SEMA3D: variants seen among roughly 807,000 people sequenced by gnomAD.
The protein encoded by SEMA3D is semaphorin-3D.
A neutral mutation model predicts 100.1 loss-of-function variants in SEMA3D; 84 were observed. That is an observed-to-expected ratio of 0.84 (90% CI 0.70 to 1.01). The LOEUF is 1.01. Among genes scored for constraint, SEMA3D ranks in the 50% least tolerant of loss-of-function variants. The pLI is 0.00. For synonymous variants in SEMA3D, 312 were observed against 320.7 expected, an observed-to-expected ratio of 0.97 and a Z score of 0.29; for missense variants, 875 against 934.1, an observed-to-expected ratio of 0.94 and a Z score of 0.82.
intron 11 of SEMA3D, among the ~76,000 whole-genome samples, chr7:85,038,197 T>A (rs1338646244): frequency 6.6e-6 from 1 of 152,058 alleles, no homozygotes; most frequent in African/African-American, 2.4e-5. Flanking sequence ...TAAAGTATAA[T>A]AAAAATAATA....
At chr7:85,148,609 C>G (rs1367941696) in intron 2 of SEMA3D, among the ~76,000 whole-genome samples, 1 of 151,992 alleles carries the variant, frequency 6.6e-6, no homozygotes, top group African/African-American at 2.4e-5. Flanking sequence ...TTGGAGCACC[C>G]CCAGGTTTCT....
chr7:85,006,974 T>C (rs1424485305), intron 17 of SEMA3D, 33 bp from the exon 18 acceptor site: 2 of 1,572,064 alleles, frequency 1.3e-6, no homozygotes, highest in South Asian at 2.3e-5. Context: ...GAGATTAACC[T>C]TGACCTGATT....
At chr7:85,219,487 GT>G in the SEMA3D span, among the ~76,000 whole-genome samples, 1 of 151,716 alleles carries the variant, frequency 6.6e-6, no homozygotes, top group African/African-American at 2.4e-5. Context: ...CAATTCTATG[GT>G]TACTCTTTAT....
chr7:85,169,904 T>A (rs1452359385), intron 1 of SEMA3D, among the ~76,000 whole-genome samples: 2 of 151,630 alleles, frequency 1.3e-5, no homozygotes, highest in Admixed American at 1.3e-4. Flanking sequence ...CCATATAAAA[T>A]AGTTTTAAAT....
the SEMA3D span, among the ~76,000 whole-genome samples, chr7:85,213,952 A>G: frequency 6.6e-6 from 1 of 152,176 alleles, no homozygotes; most frequent in Non-Finnish European, 1.5e-5. Context: ...TAAGTTTAGC[A>G]TCATTGAAAA....
chr7:85,151,695 A>G (rs775095090), intron 2 of SEMA3D: 20 of 982,364 alleles, frequency 2.0e-5, no homozygotes, highest in Non-Finnish European at 2.4e-5. Flanking sequence ...ATATTCTCAA[A>G]GCATCTTGTA....
intron 2 of SEMA3D, chr7:85,144,648 C>T: frequency 1.0e-6 from 1 of 985,018 alleles, no homozygotes; most frequent in Non-Finnish European, 1.2e-6. Context: ...AACTGGCCTG[C>T]AATATCCAAC....
intron 1 of SEMA3D, among the ~76,000 whole-genome samples, chr7:85,163,630 A>G (rs1051780716): frequency 2.0e-5 from 3 of 152,154 alleles, no homozygotes; most frequent in Non-Finnish European, 2.9e-5. Context: ...TATCTGATCC[A>G]AGACAATTTA....
At chr7:85,076,031 T>C (rs1234173901) in intron 5 of SEMA3D, among the ~76,000 whole-genome samples, 1 of 152,238 alleles carries the variant, frequency 6.6e-6, no homozygotes, top group Non-Finnish European at 1.5e-5. Flanking sequence ...TGTAATTCTG[T>C]GAGGCACGAA....
chr7:85,221,832 A>G, the SEMA3D span, among the ~76,000 whole-genome samples: 1 of 152,104 alleles, frequency 6.6e-6, no homozygotes, highest in Non-Finnish European at 1.5e-5. Context: ...CTTTGATTAA[A>G]AAAACATAGT....
intron 13 of SEMA3D, among the ~76,000 whole-genome samples, chr7:85,021,175 A>C (rs1037804169): frequency 6.6e-6 from 1 of 151,778 alleles, no homozygotes; most frequent in Non-Finnish European, 1.5e-5. Flanking sequence ...AATTGTTTTT[A>C]AATAACTCTG....
chr7:85,139,784 T>G (rs114976065), intron 2 of SEMA3D, among the ~76,000 whole-genome samples: 2 of 152,082 alleles, frequency 1.3e-5, no homozygotes, highest in Non-Finnish European at 2.9e-5. Flanking sequence ...TTAAAACTTA[T>G]GAAATACTAT....
At chr7:85,155,972 T>C (rs1344766010) in intron 1 of SEMA3D, among the ~76,000 whole-genome samples, 1 of 152,190 alleles carries the variant, frequency 6.6e-6, no homozygotes, top group East Asian at 1.9e-4. Flanking sequence ...ATCCAATTAT[T>C]AATTATTTTC....
the SEMA3D span, among the ~76,000 whole-genome samples, chr7:85,218,346 C>G: frequency 6.6e-6 from 1 of 152,130 alleles, no homozygotes; most frequent in South Asian, 2.1e-4. Context: ...AACATTCATA[C>G]AATAGGAATA....
At chr7:85,170,444 A>G (rs540887027) in intron 1 of SEMA3D, among the ~76,000 whole-genome samples, 1 of 151,984 alleles carries the variant, frequency 6.6e-6, no homozygotes, top group East Asian at 1.9e-4. Flanking sequence ...TCATTTCAAA[A>G]AGTGTAATAT....
rs1789526524 is a variant in SEMA3D at position 84,997,230 on chromosome 7, T to G, written c.*2210A>C. ...AAAATTTATTTTCATAAGTCAATCCTAACACTTGAGCTTCATGTAAATTTT... is the reference window on the plus strand; with the variant it reads ...AAAATTTATTTTCATAAGTCAATCCGAACACTTGAGCTTCATGTAAATTTT... On this transcript the variant is annotated 3_prime_UTR_variant, in exon 19 of 19. Coordinates refer to ENST00000284136, the MANE Select transcript of SEMA3D (RefSeq NM_001384900.1). 1 of 152,104 alleles carries G rather than the reference T, an allele frequency of 6.6e-6. No individual in the cohort carries two copies. The highest frequency in any genetic ancestry group is 6.5e-5 in the Admixed American group (1 of 15,270). The allele number at this position is 152,104 out of a possible 1,614,324, so 9.4% of individuals were successfully genotyped here.
intron 18 of SEMA3D, among the ~76,000 whole-genome samples, chr7:85,005,510 G>A (rs1239175276): frequency 6.6e-6 from 1 of 152,014 alleles, no homozygotes; most frequent in African/African-American, 2.4e-5. Context: ...TATGTAAAGA[G>A]TTAACATTTA....
chr7:85,061,228 G>A (rs1328802411), intron 8 of SEMA3D, among the ~76,000 whole-genome samples: 1 of 151,996 alleles, frequency 6.6e-6, no homozygotes, highest in Non-Finnish European at 1.5e-5. Context: ...TCCTCGTAAG[G>A]TATTTGCTAG....
At chr7:85,233,830 A>G in the SEMA3D span, among the ~76,000 whole-genome samples, 2 of 152,180 alleles carry the variant, frequency 1.3e-5, no homozygotes, top group Non-Finnish European at 1.5e-5. Flanking sequence ...GTGAAAGACA[A>G]AGGAAGGTTT....
Sources: gnomAD v4.1 joint callset for allele counts (sites outside exome capture counted in the v4.1 genomes callset) on GRCh38, gnomAD v4.1.1 for gene constraint, MANE v1.5 for transcripts, NCBI Gene and HGNC (gene_info 2026-07-23, HGNC 2026-07-21) for gene names.